The following ARMC8 variants were observed in gnomAD, a reference collection of about 807,000 sequenced individuals.
ARMC8 encodes armadillo repeat containing 8, also known as armadillo repeat-containing protein 8.
Under a neutral mutation model 99.3 loss-of-function variants are expected in ARMC8, and 20 were observed. The observed-to-expected ratio is 0.20, with a 90% CI of 0.14 to 0.29. The LOEUF (loss-of-function observed/expected upper bound fraction) is 0.29, where lower values mean the gene tolerates loss of function less well. ARMC8 is among the 10% of genes least tolerant of loss of function. The pLI, the probability that ARMC8 is intolerant of heterozygous loss-of-function variation, is 1.00. For synonymous variants in ARMC8, 263 were observed against 278.3 expected (o/e 0.95, Z 0.55); for missense variants, 569 against 809.5 (o/e 0.70, Z 3.60).
intron 6 of ARMC8, among the ~76,000 whole-genome samples, chr3:138,233,380 C>T (rs925100963): frequency 6.6e-6 from 1 of 152,188 alleles, no homozygotes; most frequent in African/African-American, 2.4e-5. Flanking sequence ...ATCCTCATAA[C>T]CTCAGGATCT....
At chr3:138,213,468 G>A (rs1447876603) in intron 2 of ARMC8, among the ~76,000 whole-genome samples, 4 of 152,172 alleles carry the variant, frequency 2.6e-5, no homozygotes. Flanking sequence ...TTCTCTAAAA[G>A]AGCAAAATTT....
intron 2 of ARMC8, among the ~76,000 whole-genome samples, chr3:138,218,758 G>A (rs1191806808): frequency 6.6e-6 from 1 of 152,034 alleles, no homozygotes; most frequent in Non-Finnish European, 1.5e-5. Flanking sequence ...ACTTCATAGA[G>A]GCTAGCACAA....
intron 19 of ARMC8, among the ~76,000 whole-genome samples, chr3:138,284,818 G>A (rs1181242696): frequency 6.6e-6 from 1 of 152,098 alleles, no homozygotes. Context: ...TTCTCTCAGT[G>A]GCCTCCAGTC....
At chr3:138,243,525 C>CTT (rs2046729903) in intron 11 of ARMC8, among the ~76,000 whole-genome samples, 1 of 152,130 alleles carries the variant, frequency 6.6e-6, no homozygotes, top group Admixed American at 6.5e-5. Flanking sequence ...ACTTTTAGAA[C>CTT]TTATCAAAGT....
intron 12 of ARMC8, among the ~76,000 whole-genome samples, chr3:138,252,149 T>C (rs1423972253): frequency 6.6e-6 from 1 of 152,230 alleles, no homozygotes; most frequent in Admixed American, 6.5e-5. Context: ...GTTACCTACA[T>C]TATAATTTTG....
chr3:138,250,944 C>A (rs192336949), intron 12 of ARMC8, among the ~76,000 whole-genome samples: 1 of 151,956 alleles, frequency 6.6e-6, no homozygotes, highest in African/African-American at 2.4e-5. Flanking sequence ...CTCAGGAGTT[C>A]GATACCAGCT....
chr3:138,230,209 G>A (rs185850017), intron 6 of ARMC8, among the ~76,000 whole-genome samples: 3 of 152,282 alleles, frequency 2.0e-5, no homozygotes, highest in East Asian at 3.9e-4. Context: ...GGAAAGAAAG[G>A]CTTTAAGAAA....
At chr3:138,255,225 T>C (rs1364622826) in intron 12 of ARMC8, among the ~76,000 whole-genome samples, 3 of 143,276 alleles carry the variant, frequency 2.1e-5, no homozygotes, top group African/African-American at 5.3e-5. Flanking sequence ...TTTTTTGAGA[T>C]GGAGTCTCGC....
At chr3:138,280,277 A>G (rs1020305861) in intron 18 of ARMC8, among the ~76,000 whole-genome samples, 2 of 138,106 alleles carry the variant, frequency 1.4e-5, no homozygotes, top group African/African-American at 5.1e-5. Flanking sequence ...ATTGCCAAAG[A>G]ATCAGTTTTT....
chr3:138,270,438 C>CA (rs1299025302), intron 16 of ARMC8, among the ~76,000 whole-genome samples: 1 of 152,138 alleles, frequency 6.6e-6, no homozygotes, highest in Admixed American at 6.5e-5. Context: ...TGTGTAGCGC[C>CA]ACCTACTTTA....
Position 138,239,480 on chromosome 3 carries a change from G to A in ARMC8, c.789G>A (p.Met263Ile), listed in dbSNP as rs753249340. 3 of 1,601,510 alleles carry A rather than the reference G, an allele frequency of 1.9e-6. No individual in the cohort carries two copies. Among genetic ancestry groups the A allele is most frequent in the South Asian group, 2.3e-5 (2 of 87,626 alleles). ...TGTCTTATTCCAGTTTAACTTACATGTGTAGAGCTGGAGCAATTCGGACAG... is the reference window on the plus strand; with the variant it reads ...TGTCTTATTCCAGTTTAACTTACATATGTAGAGCTGGAGCAATTCGGACAG... ...QLTSAKCLTY[M>I]CRAGAIRTDD... Residue 263 changes from methionine (M) to isoleucine (I), a missense_variant, in exon 10 of 22, where the codon ATG (methionine) becomes ATA (isoleucine). Met to Ile is a conservative substitution (Grantham distance 10). Transcript: ENST00000469044.
chr3:138,203,310 C>T (rs2044181139), intron 1 of ARMC8, among the ~76,000 whole-genome samples: 1 of 152,188 alleles, frequency 6.6e-6, no homozygotes, highest in South Asian at 2.1e-4. Flanking sequence ...CAAAACTTAG[C>T]TGCTTAAATC....
chr3:138,199,343 G>A (rs1162218328), intron 1 of ARMC8, among the ~76,000 whole-genome samples: 2 of 152,130 alleles, frequency 1.3e-5, no homozygotes, highest in East Asian at 1.9e-4. Flanking sequence ...CTTGGGTTTT[G>A]GATAGTATTT....
At chr3:138,211,981 A>G (rs962963285) in intron 2 of ARMC8, among the ~76,000 whole-genome samples, 1 of 152,184 alleles carries the variant, frequency 6.6e-6, no homozygotes, top group Non-Finnish European at 1.5e-5. Context: ...ACTAAAGTAG[A>G]AGAGAGAGAG....
At chr3:138,242,187 G>T (rs969546926) in intron 11 of ARMC8, among the ~76,000 whole-genome samples, 3 of 152,092 alleles carry the variant, frequency 2.0e-5, no homozygotes, top group African/African-American at 7.2e-5. Context: ...TTTTTACTGA[G>T]CAGATAAGCA....
chr3:138,295,967 T>A lies in ARMC8; in HGVS notation c.*75T>A, dbSNP rs1055651481. ...AGTACAGGAACCAGCCTCATTTGAT[T>A]CCTTCTATTTGCACAAGTCACCTTG... On this transcript the variant is annotated 3_prime_UTR_variant, in exon 22 of 22. Coordinates refer to ENST00000469044, the MANE Select transcript of ARMC8 (RefSeq NM_001363941.2). The A allele has an allele frequency of 4.6e-6, 7 of 1,521,306 alleles. No homozygotes were observed. The highest frequency in any genetic ancestry group is 1.8e-5 in the Admixed American group (1 of 54,414). The allele number at this position is 1,521,306 out of a possible 1,614,324, so 94.2% of individuals were successfully genotyped here.
At chr3:138,211,435 T>C (rs927376303) in intron 2 of ARMC8, among the ~76,000 whole-genome samples, 1 of 152,320 alleles carries the variant, frequency 6.6e-6, no homozygotes, top group East Asian at 1.9e-4. Context: ...GTTGTCACTT[T>C]GAGAAATTTT....
chr3:138,231,683 G>A (rs1035422366), intron 6 of ARMC8, among the ~76,000 whole-genome samples: 7 of 151,996 alleles, frequency 4.6e-5, no homozygotes, highest in African/African-American at 1.7e-4. Flanking sequence ...TTGGGAGGCT[G>A]AGAGGATCCC....
intron 5 of ARMC8, 48 bp from the exon 6 acceptor site, chr3:138,228,870 T>C (rs747030920): frequency 4.9e-5 from 54 of 1,094,996 alleles, no homozygotes; most frequent in Non-Finnish European, 7.4e-5. Context: ...TTTTATCAAA[T>C]GTACTCATGG....
Sources: gnomAD v4.1 joint callset for allele counts (sites outside exome capture counted in the v4.1 genomes callset) on GRCh38, gnomAD v4.1.1 for gene constraint, MANE v1.5 for transcripts, NCBI Gene and HGNC (gene_info 2026-07-23, HGNC 2026-07-21) for gene names.